The following SERTM1 variants were observed in gnomAD, a reference collection of about 807,000 sequenced individuals.
The protein encoded by SERTM1 is serine-rich and transmembrane domain-containing protein 1.
SERTM1 carries 1 observed loss-of-function variant against 5.5 expected under a neutral mutation model. That is an observed-to-expected ratio of 0.18 (90% CI 0.06 to 0.86). The LOEUF is 0.86. SERTM1 is among the 40% of genes least tolerant of loss of function. The probability of loss-of-function intolerance (pLI) is 0.69; values close to 1 mark genes in which losing one functional copy is unlikely to be tolerated. For missense variants in SERTM1, 91 were observed against 122.4 expected (o/e 0.74, Z 1.21); for synonymous variants, 52 against 55.1 (o/e 0.94, Z 0.25).
chr13:36,690,225 G>C (rs1312925458), intron 1 of SERTM1, among the ~76,000 whole-genome samples: 1 of 152,160 alleles, frequency 6.6e-6, no homozygotes, highest in Non-Finnish European at 1.5e-5. Flanking sequence ...GCAGATAGAT[G>C]CAGTTTATTT....
chr13:36,680,190 A>G (rs1317620974), intron 1 of SERTM1, among the ~76,000 whole-genome samples: 1 of 152,200 alleles, frequency 6.6e-6, no homozygotes, highest in Non-Finnish European at 1.5e-5. Flanking sequence ...TCGTTCTAAC[A>G]ACTACTCATG....
chr13:36,674,910 G>A (rs1816717210), intron 1 of SERTM1, among the ~76,000 whole-genome samples: 1 of 152,136 alleles, frequency 6.6e-6, no homozygotes, highest in African/African-American at 2.4e-5. Flanking sequence ...TCCCGGGTCT[G>A]ATGAGACACT....
At chr13:36,689,972 TTAAAA>T (rs1405668686) in intron 1 of SERTM1, among the ~76,000 whole-genome samples, 1 of 152,212 alleles carries the variant, frequency 6.6e-6, no homozygotes, top group Non-Finnish European at 1.5e-5. Context: ...GAATTGATTC[TTAAAA>T]TAAAGCACTG....
At position 36,696,254 on chromosome 13, in the gene SERTM1, G is replaced by A. The variant is rs2056813026; in HGVS notation, c.*852G>A. The A allele has an allele frequency of 6.0e-6, 1 of 166,740 alleles. No individual in the cohort carries two copies. Among genetic ancestry groups the A allele is most frequent in the Non-Finnish European group, 1.5e-5 (1 of 68,094 alleles). 10.3% of individuals were successfully genotyped at this position (166,740 alleles called of 1,614,324 possible). ...GCATATGGAAAATATTCATTTAGTT[G>A]TATTTTATACAGTAATAACTCTTAG... On this transcript the variant is annotated 3_prime_UTR_variant, in exon 2 of 2. Coordinates refer to ENST00000315190, the MANE Select transcript of SERTM1 (RefSeq NM_203451.3).
At chr13:36,684,492 A>G (rs1386269103) in intron 1 of SERTM1, among the ~76,000 whole-genome samples, 1 of 151,986 alleles carries the variant, frequency 6.6e-6, no homozygotes, top group Non-Finnish European at 1.5e-5. Flanking sequence ...CTTTTTTCTC[A>G]AACTGATTTG....
chr13:36,695,023 C>A lies in SERTM1; in HGVS notation c.-56C>A. The A allele has an allele frequency of 7.9e-7, 1 of 1,259,020 alleles. No individual in the cohort carries two copies. The highest frequency in any genetic ancestry group is 1.1e-6 in the Non-Finnish European group (1 of 878,954). The allele number at this position is 1,259,020 out of a possible 1,614,324, so 78.0% of individuals were successfully genotyped here. A position where few individuals can be genotyped will look rare whatever the true frequency, so the allele number is the denominator to read the frequency against. On this transcript the variant is annotated 5_prime_UTR_variant, in exon 2 of 2. Coordinates refer to ENST00000315190, the MANE Select transcript of SERTM1 (RefSeq NM_203451.3). ...AAAATGCCAATCTGTCCTGTGTAAG[C>A]CCTGTGTGAAGTTTTGACTTTAATC...
intron 1 of SERTM1, among the ~76,000 whole-genome samples, chr13:36,692,119 A>C (rs994901890): frequency 6.6e-6 from 1 of 152,204 alleles, no homozygotes; most frequent in Non-Finnish European, 1.5e-5. Flanking sequence ...ATACTTAAGG[A>C]AGAAGATATT....
rs771557560 is a variant in SERTM1 at position 36,687,246 on chromosome 13, T to C, written c.-173-7660T>C. On this transcript the variant is annotated intron_variant, in intron 1 of 1. Coordinates refer to ENST00000315190, the MANE Select transcript of SERTM1 (RefSeq NM_203451.3). ...GAAAGACTCTGTTAGCTTGAATTCC[T>C]ATTGGGATATGCAAGACACATAACA... Among the ~76,000 whole-genome samples the C allele has an allele frequency of 3.3e-5, 5 of 152,346 alleles. No homozygotes were observed. The South Asian group carries it at 8.3e-4, about 25-fold the overall frequency.
chr13:36,686,395 T>C (rs1178167739), intron 1 of SERTM1, among the ~76,000 whole-genome samples: 1 of 152,254 alleles, frequency 6.6e-6, no homozygotes, highest in Non-Finnish European at 1.5e-5. Flanking sequence ...CATATTTTCT[T>C]AAGTTCCTTG....
chr13:36,695,289 T>C lies in SERTM1; in HGVS notation c.211T>C (p.Ser71Pro), dbSNP rs758550387. 2 of 1,613,952 alleles carry C rather than the reference T, an allele frequency of 1.2e-6. No individual in the cohort carries two copies. The highest frequency in any genetic ancestry group is 2.7e-5 in the African/African-American group (2 of 74,928). The change falls in exon 2 of 2, where the codon TCC (serine) becomes CCC (proline). Residue 71 changes from serine to proline, a missense_variant. Physicochemically the swap from Ser to Pro is moderately conservative, Grantham distance 74. Transcript: ENST00000315190. ...IALQRLKNII[S>P]SSSSYPEYPS... ...CCTCCAGAGGCTCAAAAATATCATC[T>C]CCTCCAGTTCCTCCTACCCAGAGTA...
intron 1 of SERTM1, among the ~76,000 whole-genome samples, chr13:36,687,349 C>T (rs544675001): frequency 3.5e-4 from 54 of 152,262 alleles, no homozygotes; most frequent in African/African-American, 1.3e-3. Context: ...TAAACAAATA[C>T]ATGATTACGG....
intron 1 of SERTM1, among the ~76,000 whole-genome samples, chr13:36,691,713 G>T (rs1425121196): frequency 6.6e-6 from 1 of 152,080 alleles, no homozygotes; most frequent in Admixed American, 6.5e-5. Flanking sequence ...ACAGGTCAAG[G>T]CTATGCATTT....
At chr13:36,675,262 A>G (rs1183748490) in intron 1 of SERTM1, among the ~76,000 whole-genome samples, 2 of 152,178 alleles carry the variant, frequency 1.3e-5, no homozygotes, top group African/African-American at 2.4e-5. Context: ...TGTCTAGAGG[A>G]CGTCTCAAAG....
Position 36,695,050 on chromosome 13 carries a change from A to G in SERTM1, c.-29A>G, listed in dbSNP as rs1478436207. 1.9e-6 allele frequency: 3 copies of G among 1,542,766 alleles called. No homozygotes were observed. Among genetic ancestry groups the G allele is most frequent in the Non-Finnish European group, 2.7e-6 (3 of 1,125,390 alleles). ...CTGTGTGAAGTTTTGACTTTAATCT[A>G]CCAGATCACTCCTTCACCCTCCATA... On this transcript the variant is annotated 5_prime_UTR_variant, in exon 2 of 2. Coordinates refer to ENST00000315190, the MANE Select transcript of SERTM1 (RefSeq NM_203451.3).
chr13:36,685,699 T>G (rs2056736499), intron 1 of SERTM1, among the ~76,000 whole-genome samples: 1 of 152,208 alleles, frequency 6.6e-6, no homozygotes, highest in African/African-American at 2.4e-5. Context: ...ACTAGAGAAC[T>G]CACCCAAACC....
chr13:36,680,161 T>G (rs2138085335), intron 1 of SERTM1, among the ~76,000 whole-genome samples: 1 of 152,266 alleles, frequency 6.6e-6, no homozygotes, highest in Non-Finnish European at 1.5e-5. Context: ...CCTCTGCCAT[T>G]CTCCTCAAGG....
At chr13:36,688,281 ATG>A (rs968262204) in intron 1 of SERTM1, among the ~76,000 whole-genome samples, 2 of 151,730 alleles carry the variant, frequency 1.3e-5, no homozygotes, top group African/African-American at 4.8e-5. Flanking sequence ...TGGCACGATC[ATG>A]GCTCACTGTA....
At chr13:36,689,148 C>G (rs2056761113) in intron 1 of SERTM1, among the ~76,000 whole-genome samples, 1 of 152,106 alleles carries the variant, frequency 6.6e-6, no homozygotes, top group Non-Finnish European at 1.5e-5. Context: ...GTTATTCTTG[C>G]TAAGGCAGTG....
intron 1 of SERTM1, among the ~76,000 whole-genome samples, chr13:36,689,506 A>AAATAATAATAATAAT (rs3052684): frequency 1.4e-5 from 2 of 142,020 alleles, no homozygotes; most frequent in African/African-American, 5.2e-5. Context: ...CTCTGTCTCA[A>AAATAATAATAATAAT]AATAATAATA....
Sources: allele counts gnomAD v4.1 joint callset (sites outside exome capture counted in the v4.1 genomes callset), GRCh38; gene constraint gnomAD v4.1.1; transcripts MANE v1.5; gene names NCBI Gene and HGNC (gene_info 2026-07-23, HGNC 2026-07-21).